DYSF: variants seen among roughly 807,000 people sequenced by gnomAD.
DYSF encodes dysferlin.
In DYSF, 212 loss-of-function variants were observed where a neutral mutation model predicts 274.9. The ratio of observed to expected loss-of-function variants is 0.77; its 90% CI spans 0.69 to 0.86. DYSF has a LOEUF of 0.86. Among genes scored for constraint, DYSF ranks in the 40% least tolerant of loss-of-function variants. The probability of loss-of-function intolerance (pLI) is 0.00; values close to 1 mark genes in which losing one functional copy is unlikely to be tolerated. For synonymous variants in DYSF, 1,091 were observed against 1,078.7 expected, an observed-to-expected ratio of 1.01 and a Z score of -0.22; for missense variants, 2,666 against 2,783.2, an observed-to-expected ratio of 0.96 and a Z score of 0.95.
intron 40 of DYSF, among the ~76,000 whole-genome samples, chr2:71,619,076 T>C (rs1261428650): frequency 6.6e-6 from 1 of 152,070 alleles, no homozygotes; most frequent in Non-Finnish European, 1.5e-5. Flanking sequence ...ACCAGATCTT[T>C]GGAGCACTAT....
At position 71,553,173 on chromosome 2, in the gene DYSF, C is replaced by T. The variant is rs752848496; in HGVS notation, c.1969C>T (p.Arg657Cys). The change falls in exon 20 of 56, where the codon CGT becomes TGT. Residue 657 changes from arginine to cysteine, a missense_variant. Physicochemically the swap from Arg to Cys is radical, Grantham distance 180. This residue lies in a region of DYSF where 412 missense variants were observed against 504.0 expected (regional missense o/e 0.82). Transcript: ENST00000410020. ...GCTGGCCTCCACCACTCAGTACAGC[C>T]GTGCAGTCTTTGACGGTGAGGCAGT... ...LPLASTTQYS[R>C]AVFDGCHYYY... 1.5e-5 allele frequency: 25 copies of T among 1,613,982 alleles called. No homozygotes were observed. Among genetic ancestry groups the T allele is most frequent in the Middle Eastern group, 1.6e-4 (1 of 6,084 alleles).
In DYSF at chr2:71,632,851, C is replaced by G. The variant is rs59571176; in HGVS notation, c.4528-11114C>G. ...TCGGGTTCCCCACAGCTCCCCGACT[C>G]TCTGTGAGTCCCCCATCTGGTGGAG... On this transcript the variant is annotated intron_variant, in intron 41 of 55. Coordinates refer to ENST00000410020, the MANE Select transcript of DYSF (RefSeq NM_001130987.2). Among the ~76,000 whole-genome samples, 1,030 of 152,348 alleles carry G rather than the reference C, an allele frequency of 6.8e-3. 13 individuals carry two copies. Among genetic ancestry groups the G allele is most frequent in the African/African-American group, 0.024 (1,003 of 41,586 alleles).
At chr2:71,682,473 T>C (rs1247838220) in intron 54 of DYSF, 57 bp from the exon 55 acceptor site, 2 of 1,612,624 alleles carry the variant, frequency 1.2e-6, no homozygotes, top group African/African-American at 1.3e-5. Flanking sequence ...GAGAAGAGTT[T>C]GGAGAAAGCA....
chr2:71,663,544 C>T (rs751422765), intron 45 of DYSF, among the ~76,000 whole-genome samples: 5 of 152,230 alleles, frequency 3.3e-5, no homozygotes, highest in Admixed American at 6.5e-5. Context: ...CCTCCTTCTC[C>T]ATGCCACAAG....
At chr2:71,488,707 A>G (rs2083558361) in intron 3 of DYSF, among the ~76,000 whole-genome samples, 1 of 152,172 alleles carries the variant, frequency 6.6e-6, no homozygotes, top group Admixed American at 6.5e-5. Context: ...AGGTCTAGTC[A>G]GGATTGCCTT....
In DYSF at chr2:71,620,580, AAC is replaced by A. The variant is rs1248905603; in HGVS notation, c.4501_4502del (p.Thr1501GlyfsTer9). ...CGGTCTGTCGAGCTTGGCCCCCACT[AAC>A]ACGGCTTCTCCTCCATCCAGTCCTC... Reference protein sequence around the residue: ...ADGLSSLAPTNTASPPSSPHE... With the variant: ...ADGLSSLAPTXTASPPSSPHE... On this transcript the variant is annotated frameshift_variant, in exon 41 of 56. Coordinates refer to ENST00000410020, the MANE Select transcript of DYSF (RefSeq NM_001130987.2). LOFTEE classifies it high-confidence loss of function. 6.4e-7 allele frequency: 1 copy of A among 1,551,612 alleles called. No individual in the cohort carries two copies. Among genetic ancestry groups the A allele is most frequent in the African/African-American group, 1.4e-5 (1 of 73,122 alleles).
In DYSF at chr2:71,544,251, T is replaced by C. The variant is rs532628907; in HGVS notation, c.1576+5012T>C. On this transcript the variant is annotated intron_variant, in intron 17 of 55. Transcript: ENST00000410020. ...AAGATCTGTTCAGTGTTGGTATCTC[T>C]CACAGATAGGGTGTGTGGGTCTTTC... Among the ~76,000 whole-genome samples, 7 of 152,238 alleles carry C rather than the reference T, an allele frequency of 4.6e-5. No individual in the cohort carries two copies. The South Asian group carries it at 1.2e-3, about 27-fold the overall frequency.
chr2:71,618,015 GGGGTGTGTGTGTGTGGTAGAGATGGT>G (rs2093948645), intron 40 of DYSF, among the ~76,000 whole-genome samples: 1 of 132,616 alleles, frequency 7.5e-6, no homozygotes, highest in Non-Finnish European at 1.6e-5. Flanking sequence ...TGGTAGAGAT[GGGGTGTGTGTGTGTGGTAGAGATGGT>G]GTGTGTGTGT....
intron 40 of DYSF, among the ~76,000 whole-genome samples, chr2:71,619,560 A>G (rs921740347): frequency 3.7e-4 from 56 of 152,090 alleles, no homozygotes; most frequent in Non-Finnish European, 7.1e-4. Flanking sequence ...CGCCCCTTGG[A>G]GTCCTCCCAG....
At position 71,648,742 on chromosome 2, in the gene DYSF, C is replaced by T. The variant is rs147290433; in HGVS notation, c.4626+4679C>T. 1.7e-3 allele frequency among the ~76,000 whole-genome samples: 253 copies of T among 152,226 alleles called. 1 individual carries two copies. Among genetic ancestry groups the T allele is most frequent in the African/African-American group, 5.9e-3 (243 of 41,528 alleles). Reference sequence around the variant, plus strand: ...TTTGGGTAGTCATACCTCCTCCCCACCTCTTGAAAAGAAAAAAGCAATATT... The same window carrying T: ...TTTGGGTAGTCATACCTCCTCCCCATCTCTTGAAAAGAAAAAAGCAATATT... On this transcript the variant is annotated intron_variant, in intron 42 of 55. Coordinates refer to ENST00000410020, the MANE Select transcript of DYSF (RefSeq NM_001130987.2).
intron 1 of DYSF, among the ~76,000 whole-genome samples, chr2:71,472,830 G>C (rs1483375368): frequency 6.6e-6 from 1 of 152,142 alleles, no homozygotes; most frequent in Non-Finnish European, 1.5e-5. Context: ...TTCTTCATTA[G>C]TTGCAAGTGC....
chr2:71,666,174 A>T (rs1260962651), intron 47 of DYSF, among the ~76,000 whole-genome samples: 1 of 151,236 alleles, frequency 6.6e-6, no homozygotes, highest in Non-Finnish European at 1.5e-5. Context: ...TTTTCGGGGG[A>T]GTCTCATTTC....
chr2:71,522,272 C>T (rs570122807), intron 12 of DYSF, among the ~76,000 whole-genome samples: 87 of 152,002 alleles, frequency 5.7e-4, no homozygotes, highest in African/African-American at 2.0e-3. Flanking sequence ...ACTGCATCCC[C>T]CTTTTTCCAC....
At chr2:71,567,019 T>C (rs2152809905) in intron 24 of DYSF, among the ~76,000 whole-genome samples, 1 of 152,348 alleles carries the variant, frequency 6.6e-6, no homozygotes, top group Non-Finnish European at 1.5e-5. Context: ...GCTATACTGC[T>C]CTGAGCTCAT....
intron 32 of DYSF, among the ~76,000 whole-genome samples, chr2:71,593,316 A>G (rs896599654): frequency 1.3e-5 from 2 of 151,884 alleles, no homozygotes; most frequent in African/African-American, 4.8e-5. Context: ...GTATTAGTAG[A>G]GATGAGATTT....
intron 4 of DYSF, among the ~76,000 whole-genome samples, chr2:71,507,252 G>A (rs1461297274): frequency 9.2e-5 from 14 of 152,316 alleles, no homozygotes; most frequent in Admixed American, 7.2e-4. Flanking sequence ...AGGAAGGGGC[G>A]CTCTTCCAGG....
At position 71,466,943 on chromosome 2, in the gene DYSF, C is replaced by T. The variant is rs1445636894; in HGVS notation, c.91+10C>T. 1 of 1,548,512 alleles carries T rather than the reference C, an allele frequency of 6.5e-7. No homozygotes were observed. The highest frequency in any genetic ancestry group is 1.4e-5 in the African/African-American group (1 of 73,020). On this transcript the variant is annotated intron_variant, in intron 1 of 55. Transcript: ENST00000410020. ...AGCCTGACTTTCCGAGGTGAGAGCC[C>T]CGTGGCTGCCGCGCCCATGCTCGGG...
intron 22 of DYSF, among the ~76,000 whole-genome samples, chr2:71,559,382 GTCCTTCCTCCT>G (rs769237776): frequency 3.2e-4 from 49 of 152,194 alleles, no homozygotes; most frequent in South Asian, 2.1e-3. Flanking sequence ...CCTCACCCAT[GTCCTTCCTCCT>G]TCCTTCCTCT....
chr2:71,480,741 C>T (rs934308449), intron 1 of DYSF, 142 bp from the exon 2 acceptor site: 28 of 746,734 alleles, frequency 3.7e-5, no homozygotes, highest in African/African-American at 6.9e-5. Flanking sequence ...TGCAGACTGG[C>T]GGGTTCTCAG....
Sources: allele counts gnomAD v4.1 joint callset (sites outside exome capture counted in the v4.1 genomes callset), GRCh38; gene constraint gnomAD v4.1.1; regional missense constraint gnomAD v4.1.1; transcripts MANE v1.5; gene names NCBI Gene and HGNC (gene_info 2026-07-23, HGNC 2026-07-21).